SLC66A1: variants seen among roughly 807,000 people sequenced by gnomAD.
SLC66A1 encodes lysosomal amino acid transporter 1 homolog.
Under a neutral mutation model 33.0 loss-of-function variants are expected in SLC66A1, and 23 were observed. That is an observed-to-expected ratio of 0.70 (90% CI 0.50 to 0.99). The LOEUF (loss-of-function observed/expected upper bound fraction) is 0.99, where lower values mean the gene tolerates loss of function less well. Ranked by LOEUF, SLC66A1 falls within the 50% of genes least tolerant of loss-of-function variation. The probability of loss-of-function intolerance (pLI) is 0.00; values close to 1 mark genes in which losing one functional copy is unlikely to be tolerated. For missense variants in SLC66A1, 335 were observed against 383.6 expected (o/e 0.87, Z 1.06); for synonymous variants, 164 against 175.5 (o/e 0.93, Z 0.52).
At chr1:19,332,330 G>A (rs1291061729), downstream of SLC66A1, among the ~76,000 whole-genome samples, 1 of 152,186 alleles carries the variant, frequency 6.6e-6, no homozygotes, top group Non-Finnish European at 1.5e-5. Flanking sequence ...GTCTGCCTCA[G>A]AACATAGCCG....
rs1290109878 is a variant in SLC66A1 at position 19,319,041 on chromosome 1, C to T, written c.164+1200C>T. 6.6e-5 allele frequency among the ~76,000 whole-genome samples: 10 copies of T among 152,126 alleles called. No individual in the cohort carries two copies. The East Asian group carries it at 1.2e-3, about 18-fold the overall frequency. ...GTCATCAAAGGCCCTGTGGCCTAAG[C>T]GGCATGCTCTGCTCTTAAGAAATGT... is the stretch of plus-strand genomic sequence containing the variant. On this transcript the variant is annotated intron_variant, in intron 2 of 7. Transcript: ENST00000375153.
chr1:19,317,617 G>A lies in SLC66A1; in HGVS notation c.-61G>A. On this transcript the variant is annotated 5_prime_UTR_variant, in exon 2 of 8. Transcript: ENST00000375153. ...CCCTGTAGAACCCTTGCTGGCCTCAGAACACCAGCGCCCTCCCTCCGGTGC... is the reference window on the plus strand; with the variant it reads ...CCCTGTAGAACCCTTGCTGGCCTCAAAACACCAGCGCCCTCCCTCCGGTGC... 6.3e-7 allele frequency: 1 copy of A among 1,588,654 alleles called. No individual in the cohort carries two copies. The highest frequency in any genetic ancestry group is 8.6e-7 in the Non-Finnish European group (1 of 1,167,492).
rs904602612 is a variant in SLC66A1, at chr1:19,321,736, T to G, written c.165-2897T>G. 4.0e-5 allele frequency among the ~76,000 whole-genome samples: 6 copies of G among 149,744 alleles called. 1 individual carries two copies. Among genetic ancestry groups the G allele is most frequent in the African/African-American group, 1.5e-4 (6 of 39,182 alleles). ...CATGTGCCACCATGCCTGGCAAATT[T>G]TTGCATTTTTAGTAAAGATGGGGTT... On this transcript the variant is annotated intron_variant, in intron 2 of 7. Transcript: ENST00000375153.
downstream of SLC66A1, among the ~76,000 whole-genome samples, chr1:19,332,097 G>A (rs151280404): frequency 1.7e-3 from 257 of 152,268 alleles, 1 homozygote; most frequent in African/African-American, 5.9e-3. Context: ...TCATTCCAGC[G>A]CCCCAAGGAG....
At chr1:19,333,164 C>A (rs866990950), downstream of SLC66A1, among the ~76,000 whole-genome samples, 2 of 152,194 alleles carry the variant, frequency 1.3e-5, no homozygotes, top group Non-Finnish European at 2.9e-5. This position sits in a 1 kb window ranked among gnomAD's most constrained non-coding sequence, Gnocchi z 4.2. Context: ...ACCCCGCGCC[C>A]TCCCTGGCTC....
chr1:19,321,649 A>C (rs477812), intron 2 of SLC66A1, among the ~76,000 whole-genome samples: 104,614 of 147,694 alleles, frequency 0.71, 37,916 homozygotes, highest in African/African-American at 0.75. Flanking sequence ...TCACTGCAAC[A>C]TCCTCCTCTT....
At chr1:19,327,483 G>A in intron 7 of SLC66A1, 71 bp downstream of exon 7, 1 of 1,510,784 alleles carries the variant, frequency 6.6e-7, no homozygotes, top group East Asian at 2.4e-5. Context: ...CACAGCGTCA[G>A]CACTCATCCG....
At chr1:19,315,328 G>A (rs1363926620) in intron 1 of SLC66A1, among the ~76,000 whole-genome samples, 1 of 152,230 alleles carries the variant, frequency 6.6e-6, no homozygotes, top group East Asian at 1.9e-4. Flanking sequence ...AAGACACAGG[G>A]AAGAGGCTTT....
At chr1:19,333,057 C>T (rs78097074), downstream of SLC66A1, among the ~76,000 whole-genome samples, 4 of 152,264 alleles carry the variant, frequency 2.6e-5, no homozygotes, top group African/African-American at 9.6e-5. This position sits in a 1 kb window ranked among gnomAD's most constrained non-coding sequence, Gnocchi z 4.2. Context: ...CCTCAGGTTC[C>T]GGGGATGGGA....
Position 19,328,500 on chromosome 1 carries a change from G to T in SLC66A1, c.805-72G>T. ...GGAGGGGAGAGGGAGGCAGCTCCCA[G>T]GAGTCGAAGGCCCCCAGGGGCAGGT... On this transcript the variant is annotated intron_variant, in intron 7 of 7. Coordinates refer to ENST00000375153, the MANE Select transcript of SLC66A1 (RefSeq NM_001040125.2). This position sits in a 1 kb window ranked among gnomAD's most constrained non-coding sequence, Gnocchi z 4.7. 7.0e-7 allele frequency: 1 copy of T among 1,424,484 alleles called. No individual in the cohort carries two copies. 88.2% of individuals were successfully genotyped at this position (1,424,484 alleles called of 1,614,324 possible).
intron 1 of SLC66A1, among the ~76,000 whole-genome samples, chr1:19,315,792 C>A (rs575899610): frequency 9.4e-4 from 143 of 152,280 alleles, no homozygotes; most frequent in Non-Finnish European, 1.5e-3. Context: ...GACAGATGGA[C>A]CTGAGGCGGG....
intron 1 of SLC66A1, among the ~76,000 whole-genome samples, chr1:19,316,353 TTGTGTGTGTGTG>T (rs36226389): frequency 0.012 from 1,756 of 144,846 alleles, 24 homozygotes; most frequent in African/African-American, 0.034. Context: ...TCTTTATGGT[TTGTGTGTGTGTG>T]TGTGTGTGTG....
intron 2 of SLC66A1, among the ~76,000 whole-genome samples, 181 bp downstream of exon 2, chr1:19,318,022 C>T (rs1004257300): frequency 2.0e-5 from 3 of 152,192 alleles, no homozygotes; most frequent in African/African-American, 4.8e-5. Flanking sequence ...TAGTGCTGGG[C>T]AGTGCTGATA....
In SLC66A1 at chr1:19,327,318, A is replaced by G. The variant is rs1358310971; in HGVS notation, c.710A>G (p.Lys237Arg). 3 of 1,613,506 alleles carry G rather than the reference A, an allele frequency of 1.9e-6. No homozygotes were observed. Among genetic ancestry groups the G allele is most frequent in the Non-Finnish European group, 2.5e-6 (3 of 1,179,786 alleles). The change falls in exon 7 of 8, where the codon AAA becomes AGA. Residue 237 changes from lysine to arginine, a missense_variant. Coordinates refer to ENST00000375153, the MANE Select transcript of SLC66A1 (RefSeq NM_001040125.2). ...CTGTATGGGCTGAGCGTGCTGCTCA[A>G]AAACCCCGAGGAGGGCCAGAGCGAG... ...NTLYGLSVLL[K>R]NPEEGQSEGS...
chr1:19,321,250 A>T (rs1246727368), intron 2 of SLC66A1, among the ~76,000 whole-genome samples: 1 of 129,156 alleles, frequency 7.7e-6, no homozygotes, highest in Non-Finnish European at 1.5e-5. Context: ...CACATAGCTC[A>T]TTGCAACCTT....
At chr1:19,321,268 T>C (rs1169767133) in intron 2 of SLC66A1, among the ~76,000 whole-genome samples, 3 of 145,152 alleles carry the variant, frequency 2.1e-5, no homozygotes, top group South Asian at 4.3e-4. Context: ...CTTGACCTTC[T>C]GCGCTCAAGC....
In SLC66A1 at chr1:19,312,690, T is replaced by C. The variant is rs2093783337; in HGVS notation, c.-278T>C. The C allele has an allele frequency of 6.5e-6, 1 of 152,690 alleles. No individual in the cohort carries two copies. Among genetic ancestry groups the C allele is most frequent in the South Asian group, 2.1e-4 (1 of 4,832 alleles). 9.5% of individuals were successfully genotyped at this position (152,690 alleles called of 1,614,324 possible). On this transcript the variant is annotated 5_prime_UTR_variant, in exon 1 of 8. Transcript: ENST00000375153. Reference sequence around the variant, plus strand: ...GCCGGGCGAGGGGCCCTCGCGGCGCTGGCCCCAGCAGCTGTCCTATCATTA... The same window carrying C: ...GCCGGGCGAGGGGCCCTCGCGGCGCCGGCCCCAGCAGCTGTCCTATCATTA...
In SLC66A1 at chr1:19,319,765, T is replaced by C. The variant is rs1036290788; in HGVS notation, c.164+1924T>C. Among the ~76,000 whole-genome samples the C allele has an allele frequency of 5.3e-5, 8 of 150,932 alleles. No homozygotes were observed. In the South Asian group the frequency reaches 1.7e-3, roughly 32 times the overall value. On this transcript the variant is annotated intron_variant, in intron 2 of 7. Transcript: ENST00000375153. ...TAAAAATACAAAAATTAGCGGGGTGTGGTGGCGCGTGCCTGTGGTCCCAGC... is the reference window on the plus strand; with the variant it reads ...TAAAAATACAAAAATTAGCGGGGTGCGGTGGCGCGTGCCTGTGGTCCCAGC...
In SLC66A1 at chr1:19,312,494, A is replaced by C; in HGVS notation, c.-474A>C. On this transcript the variant is annotated 5_prime_UTR_variant, in exon 1 of 8. Coordinates refer to ENST00000375153, the MANE Select transcript of SLC66A1 (RefSeq NM_001040125.2). ...TCCTGCGCCCTCCTTGTGGCGCGAT[A>C]TCGTGGGACGAGGCTCCGGGCCGGG... is the stretch of plus-strand genomic sequence containing the variant. The C allele has an allele frequency of 6.3e-6, 1 of 159,398 alleles. No homozygotes were observed. Among genetic ancestry groups the C allele is most frequent in the Non-Finnish European group, 1.4e-5 (1 of 72,708 alleles). 9.9% of individuals were successfully genotyped at this position (159,398 alleles called of 1,614,324 possible).
Sources: allele counts gnomAD v4.1 joint callset (sites outside exome capture counted in the v4.1 genomes callset), GRCh38; gene constraint gnomAD v4.1.1; non-coding constraint Gnocchi (gnomAD v3.1); transcripts MANE v1.5; gene names NCBI Gene and HGNC (gene_info 2026-07-23, HGNC 2026-07-21).